Variants in ACTR10 observed in about 807,000 individuals in gnomAD.
ACTR10 encodes the protein actin-related protein 10.
In ACTR10, 43 loss-of-function variants were observed where a neutral mutation model predicts 56.2. The observed-to-expected ratio is 0.77, with a 90% CI of 0.60 to 0.99. The LOEUF is 0.99. ACTR10 is among the 50% of genes least tolerant of loss of function. ACTR10 has a pLI of 0.00. For missense variants in ACTR10, 466 were observed against 507.8 expected, an observed-to-expected ratio of 0.92 and a Z score of 0.79; for synonymous variants, 170 against 176.3, an observed-to-expected ratio of 0.96 and a Z score of 0.28.
intron 7 of ACTR10, among the ~76,000 whole-genome samples, chr14:58,217,466 G>A (rs1237225831): frequency 6.6e-6 from 1 of 151,912 alleles, no homozygotes; most frequent in East Asian, 1.9e-4. Flanking sequence ...TCAAGAGTTC[G>A]AGACCAGCCT....
intron 10 of ACTR10, among the ~76,000 whole-genome samples, chr14:58,229,266 T>A (rs577320100): frequency 6.6e-6 from 1 of 150,788 alleles, no homozygotes; most frequent in Admixed American, 6.6e-5. Flanking sequence ...GGGAAGGAAA[T>A]GAGGAGAGGG....
At chr14:58,223,985 A>T in intron 10 of ACTR10, 129 bp downstream of exon 10, 1 of 756,012 alleles carries the variant, frequency 1.3e-6, no homozygotes, top group Non-Finnish European at 2.1e-6. Context: ...AAGCCTCATT[A>T]TTCATGATTA....
rs1020777513 is a variant in ACTR10, at chr14:58,205,665, A to C, written c.151-2271A>C. On this transcript the variant is annotated intron_variant, in intron 2 of 12. Coordinates refer to ENST00000254286, the MANE Select transcript of ACTR10 (RefSeq NM_018477.3). The stretch of plus-strand genomic sequence containing the variant: ...TTAAGGAATCATTTCATTGATTTTA[A>C]ATTTTTCTGCAAATCCTTGGACAAG... Among the ~76,000 whole-genome samples, 3 of 152,086 alleles carry C rather than the reference A, an allele frequency of 2.0e-5. No homozygotes were observed. In the East Asian group the frequency reaches 5.8e-4, roughly 29 times the overall value.
intron 10 of ACTR10, among the ~76,000 whole-genome samples, chr14:58,225,969 C>A (rs1889386959): frequency 6.6e-6 from 1 of 152,152 alleles, no homozygotes. Flanking sequence ...ACCTTGGCCT[C>A]CCAAAGTGCT....
Position 58,211,326 on chromosome 14 carries a change from TG to T in ACTR10, c.379del (p.Ala127LeufsTer3), listed in dbSNP as rs1227741469. The T allele has an allele frequency of 6.2e-7, 1 of 1,613,758 alleles. No homozygotes were observed. The highest frequency in any genetic ancestry group is 8.5e-7 in the Non-Finnish European group (1 of 1,179,814). On this transcript the variant is annotated frameshift_variant, in exon 5 of 13. Transcript: ENST00000254286. LOFTEE classifies it high-confidence loss of function. ...GTCTTGCTTGCTCCAAGTCATCTAATGGCTCTTCTGACGCTTGGAATTAATT... is the reference window on the plus strand; with the variant it reads ...GTCTTGCTTGCTCCAAGTCATCTAATGCTCTTCTGACGCTTGGAATTAATT... ...PSVLLAPSHL[M>X]ALLTLGINSA...
chr14:58,200,783 G>T (rs1888686491), intron 1 of ACTR10, among the ~76,000 whole-genome samples: 1 of 152,192 alleles, frequency 6.6e-6, no homozygotes, highest in Non-Finnish European at 1.5e-5. Context: ...ACATTAAGAG[G>T]TGAAACCCTA....
intron 1 of ACTR10, among the ~76,000 whole-genome samples, chr14:58,201,678 A>G (rs1224621762): frequency 6.6e-6 from 1 of 152,206 alleles, no homozygotes; most frequent in Non-Finnish European, 1.5e-5. Flanking sequence ...CAAAAATGGA[A>G]ATACCTAAAT....
At chr14:58,211,451 A>G in intron 5 of ACTR10, 52 bp downstream of exon 5, 2 of 1,260,326 alleles carry the variant, frequency 1.6e-6, no homozygotes, top group Middle Eastern at 1.9e-4. Flanking sequence ...TACTTTAACT[A>G]AAATAATTAG....
intron 6 of ACTR10, 139 bp from the exon 7 acceptor site, chr14:58,215,066 A>T: frequency 1.9e-6 from 1 of 517,136 alleles, no homozygotes; most frequent in Non-Finnish European, 3.4e-6. Flanking sequence ...GGATTGCGCC[A>T]CTTCACTCCA....
intron 6 of ACTR10, 87 bp downstream of exon 6, chr14:58,213,785 G>A (rs1728243569): frequency 1.0e-6 from 1 of 962,132 alleles, no homozygotes; most frequent in African/African-American, 1.7e-5. Flanking sequence ...ATCAATAGAG[G>A]GCTTGTGATA....
At chr14:58,232,010 C>A in intron 11 of ACTR10, 56 bp from the exon 12 acceptor site, 1 of 1,134,960 alleles carries the variant, frequency 8.8e-7, no homozygotes, top group Non-Finnish European at 1.3e-6. Flanking sequence ...TAAGTTCAAT[C>A]AAGCATTATT....
Position 58,200,168 on chromosome 14 carries a change from T to C in ACTR10, c.-50T>C. Reference sequence around the variant, plus strand: ...GGCCCCGCCCCGCGAGCGCCGAGACTTGTTGGCCGCGGAGACTGCGACCCT... The same window carrying C: ...GGCCCCGCCCCGCGAGCGCCGAGACCTGTTGGCCGCGGAGACTGCGACCCT... On this transcript the variant is annotated 5_prime_UTR_variant, in exon 1 of 13. Coordinates refer to ENST00000254286, the MANE Select transcript of ACTR10 (RefSeq NM_018477.3). 1 of 1,400,268 alleles carries C rather than the reference T, an allele frequency of 7.1e-7. No individual in the cohort carries two copies. Among genetic ancestry groups the C allele is most frequent in the East Asian group, 2.9e-5 (1 of 34,254 alleles). 86.7% of individuals were successfully genotyped at this position (1,400,268 alleles called of 1,614,324 possible).
intron 11 of ACTR10, chr14:58,231,145 C>G: frequency 3.6e-6 from 1 of 279,340 alleles, no homozygotes; most frequent in Non-Finnish European, 7.9e-6. Flanking sequence ...CCTCCGCCCC[C>G]GGGTTCAAGT....
chr14:58,217,360 C>T (rs1180507665), intron 7 of ACTR10, among the ~76,000 whole-genome samples: 1 of 152,080 alleles, frequency 6.6e-6, no homozygotes, highest in Non-Finnish European at 1.5e-5. Flanking sequence ...GAAGCACCCA[C>T]TTAGTAGGAT....
intron 7 of ACTR10, among the ~76,000 whole-genome samples, chr14:58,216,154 T>TCAC (rs1889128709): frequency 1.3e-5 from 2 of 152,172 alleles, no homozygotes; most frequent in Non-Finnish European, 2.9e-5. Flanking sequence ...AGACAGGATC[T>TCAC]CACTCTGTTG....
chr14:58,229,500 A>C (rs2140063346), intron 10 of ACTR10, among the ~76,000 whole-genome samples: 1 of 152,162 alleles, frequency 6.6e-6, no homozygotes, highest in South Asian at 2.1e-4. Flanking sequence ...AACACGGTGA[A>C]ACCCCGTCTC....
chr14:58,207,844 C>A, intron 2 of ACTR10, 92 bp from the exon 3 acceptor site: 1 of 742,852 alleles, frequency 1.3e-6, no homozygotes, highest in Non-Finnish European at 1.9e-6. Flanking sequence ...TAATTTATTC[C>A]CAGAAAATGT....
chr14:58,223,567 A>T, intron 8 of ACTR10, 55 bp from the exon 9 acceptor site: 1 of 1,401,090 alleles, frequency 7.1e-7, no homozygotes, highest in Non-Finnish European at 9.9e-7. Flanking sequence ...GTGTAGGTAC[A>T]CTCTGTTCAA....
intron 4 of ACTR10, among the ~76,000 whole-genome samples, chr14:58,209,873 G>A (rs1478466211): frequency 6.6e-6 from 1 of 152,092 alleles, no homozygotes; most frequent in East Asian, 1.9e-4. Flanking sequence ...TACATTTACT[G>A]AATTCAAAAC....
Sources: gnomAD v4.1 joint callset for allele counts (sites outside exome capture counted in the v4.1 genomes callset) on GRCh38, gnomAD v4.1.1 for gene constraint, MANE v1.5 for transcripts, NCBI Gene and HGNC (gene_info 2026-07-23, HGNC 2026-07-21) for gene names.